The following ANKAR variants were observed in gnomAD, a reference collection of about 807,000 sequenced individuals.
The protein encoded by ANKAR is ankyrin and armadillo repeat-containing protein.
A neutral mutation model predicts 146.2 loss-of-function variants in ANKAR; 136 were observed. The ratio of observed to expected loss-of-function variants is 0.93; its 90% CI spans 0.81 to 1.07. The LOEUF is 1.07. Among genes scored for constraint, ANKAR ranks in the 50% least tolerant of loss-of-function variants. The pLI is 0.00. For synonymous variants in ANKAR, 500 were observed against 575.8 expected, an observed-to-expected ratio of 0.87 and a Z score of 1.88; for missense variants, 1,567 against 1,679.9, an observed-to-expected ratio of 0.93 and a Z score of 1.18.
intron 9 of ANKAR, 118 bp downstream of exon 9, chr2:189,707,264 T>C (rs1444685658): frequency 1.2e-5 from 6 of 499,124 alleles, no homozygotes; most frequent in Non-Finnish European, 1.9e-5. Flanking sequence ...TTAAAAATCA[T>C]GAAATAAACA....
chr2:189,760,070 TG>T (rs1022412826), intron 18 of ANKAR, among the ~76,000 whole-genome samples: 1 of 152,200 alleles, frequency 6.6e-6, no homozygotes, highest in Non-Finnish European at 1.5e-5. Context: ...AGCACGGGGT[TG>T]GGGGTAAGGT....
In ANKAR at chr2:189,696,233, A is replaced by G. The variant is rs1559076551; in HGVS notation, c.1572A>G (p.Ser524=). The change falls in exon 7 of 23, where the codon TCA becomes TCG. Residue 524 remains serine, a synonymous_variant. Transcript: ENST00000684021. ...CATTTAGCCGTAAAACCTCAAGCTC[A>G]ACAATCAATGTTTCAGATGAAGCAG... ...FHTFSRKTSS[S]TINVSDEAGY... is the part of the protein sequence containing the mutation. The G allele has an allele frequency of 6.2e-7, 1 of 1,614,150 alleles. No individual in the cohort carries two copies. The highest frequency in any genetic ancestry group is 8.5e-7 in the Non-Finnish European group (1 of 1,180,000).
chr2:189,705,656 C>G (rs562677221), intron 8 of ANKAR, among the ~76,000 whole-genome samples: 25 of 152,186 alleles, frequency 1.6e-4, no homozygotes, highest in African/African-American at 6.0e-4. Context: ...CAGGAGGCAG[C>G]CCTAGGACTT....
intron 2 of ANKAR, among the ~76,000 whole-genome samples, chr2:189,684,991 T>C (rs1274280385): frequency 2.0e-5 from 3 of 152,026 alleles, no homozygotes; most frequent in Non-Finnish European, 2.9e-5. Flanking sequence ...ATTTACATAA[T>C]GTGCACTTTG....
chr2:189,677,115 AAT>A, intron 2 of ANKAR, 24 bp downstream of exon 2: 1 of 1,420,308 alleles, frequency 7.0e-7, no homozygotes, highest in Non-Finnish European at 9.1e-7. Flanking sequence ...ACACTTCTTA[AAT>A]TTTTTTTTTT....
chr2:189,696,308 A>G lies in ANKAR; in HGVS notation c.1647A>G (p.Ile549Met). ...CCCTGCACAACAGAGTTTCTATTATATGTCAACTGTGCAATGCTAACTTCA... is the reference window on the plus strand; with the variant it reads ...CCCTGCACAACAGAGTTTCTATTATGTGTCAACTGTGCAATGCTAACTTCA... ...HAALHNRVSI[I>M]CQLCNANFKV... Residue 549 changes from isoleucine (I) to methionine (M), a missense_variant, in exon 7 of 23, where the codon ATA becomes ATG. Physicochemically the swap from Ile to Met is conservative, Grantham distance 10. Transcript: ENST00000684021. 6.2e-7 allele frequency: 1 copy of G among 1,614,088 alleles called. No homozygotes were observed. The highest frequency in any genetic ancestry group is 8.5e-7 in the Non-Finnish European group (1 of 1,180,012).
chr2:189,691,711 GATAT>G (rs10653426), intron 3 of ANKAR, among the ~76,000 whole-genome samples: 2,748 of 147,486 alleles, frequency 0.019, 83 homozygotes, highest in African/African-American at 0.064. Context: ...ATATATTTGA[GATAT>G]ATATATATAT....
intron 8 of ANKAR, among the ~76,000 whole-genome samples, chr2:189,705,507 C>T (rs1048032630): frequency 3.3e-5 from 5 of 152,040 alleles, no homozygotes; most frequent in African/African-American, 1.2e-4. Context: ...AGGACTAATC[C>T]CCAGGGAGTT....
downstream of ANKAR, among the ~76,000 whole-genome samples, chr2:189,748,273 G>A (rs1458085503): frequency 2.6e-5 from 4 of 152,186 alleles, no homozygotes; most frequent in East Asian, 7.7e-4. Context: ...TGCAATCATA[G>A]CTCACTGTAG....
Position 189,695,077 on chromosome 2 carries a change from A to G in ANKAR, c.1404A>G (p.Arg468=). 6.2e-7 allele frequency: 1 copy of G among 1,613,116 alleles called. No individual in the cohort carries two copies. The highest frequency in any genetic ancestry group is 8.5e-7 in the Non-Finnish European group (1 of 1,179,538). Residue 468 remains arginine, a synonymous_variant, in exon 6 of 23, where the codon AGA becomes AGG. Coordinates refer to ENST00000684021, the MANE Select transcript of ANKAR (RefSeq NM_001378068.1). ...TAAATGAAATAGTGAACAATCTGAG[A>G]CTGAAAAGACTTCCACTGACAGATG... is the stretch of plus-strand genomic sequence containing the variant. ...GAINEIVNNL[R]LKRLPLTDAQ...
chr2:189,762,220 T>C (rs2047183244), downstream of ANKAR, among the ~76,000 whole-genome samples: 2 of 152,206 alleles, frequency 1.3e-5, no homozygotes, highest in African/African-American at 4.8e-5. Context: ...TGCTACAGGT[T>C]TTGTCATAAC....
intron 9 of ANKAR, among the ~76,000 whole-genome samples, chr2:189,708,913 C>G (rs1041428433): frequency 1.3e-5 from 2 of 152,064 alleles, no homozygotes; most frequent in Non-Finnish European, 2.9e-5. Context: ...ACCATCCTGG[C>G]CAACATGGTG....
intron 3 of ANKAR, 151 bp from the exon 4 acceptor site, chr2:189,692,104 C>A: frequency 1.6e-6 from 1 of 616,630 alleles, no homozygotes; most frequent in East Asian, 3.0e-5. Flanking sequence ...ACATTAACAG[C>A]ATAAATAATT....
At chr2:189,713,112 G>A (rs911975404) in intron 10 of ANKAR, among the ~76,000 whole-genome samples, 1 of 152,132 alleles carries the variant, frequency 6.6e-6, no homozygotes, top group Non-Finnish European at 1.5e-5. Flanking sequence ...AGAAATATGG[G>A]ACTATATGAA....
chr2:189,699,878 C>G (rs2037802772), intron 7 of ANKAR, among the ~76,000 whole-genome samples: 2 of 152,114 alleles, frequency 1.3e-5, no homozygotes, highest in South Asian at 4.1e-4. Flanking sequence ...GTTGGCCAGG[C>G]TGGTCTCGAA....
chr2:189,699,285 C>A (rs1393373795), intron 7 of ANKAR, among the ~76,000 whole-genome samples: 1 of 152,178 alleles, frequency 6.6e-6, no homozygotes, highest in Admixed American at 6.5e-5. Context: ...GCTTAGTTTG[C>A]CACAAGGACC....
chr2:189,750,449 TAGAA>T, downstream of ANKAR: 1 of 290,306 alleles, frequency 3.4e-6, no homozygotes, highest in Admixed American at 1.1e-4. Context: ...AAACATCAAA[TAGAA>T]AAAAAAAAAT....
chr2:189,684,829 C>CAA (rs71023709), intron 2 of ANKAR, among the ~76,000 whole-genome samples: 2 of 108,052 alleles, frequency 1.9e-5, no homozygotes, highest in Admixed American at 9.4e-5. Context: ...GACCCTGTCT[C>CAA]AAAAAAAAAA....
At chr2:189,731,942 T>A (rs576965756) in intron 16 of ANKAR, among the ~76,000 whole-genome samples, 1 of 152,236 alleles carries the variant, frequency 6.6e-6, no homozygotes, top group African/African-American at 2.4e-5. Flanking sequence ...GCTCAAGAGA[T>A]CCTCCACCTT....
Sources: allele counts gnomAD v4.1 joint callset (sites outside exome capture counted in the v4.1 genomes callset), GRCh38; gene constraint gnomAD v4.1.1; transcripts MANE v1.5; gene names NCBI Gene and HGNC (gene_info 2026-07-23, HGNC 2026-07-21).